SEMA6D: variants seen among roughly 807,000 people sequenced by gnomAD.
SEMA6D encodes semaphorin-6D.
Under a neutral mutation model 106.6 loss-of-function variants are expected in SEMA6D, and 35 were observed. That is an observed-to-expected ratio of 0.33 (90% CI 0.25 to 0.44). The LOEUF is 0.44. Among genes scored for constraint, SEMA6D ranks in the 20% least tolerant of loss-of-function variants. SEMA6D has a pLI of 1.00. For synonymous variants in SEMA6D, 499 were observed against 487.7 expected, an observed-to-expected ratio of 1.02 and a Z score of -0.31; for missense variants, 1,185 against 1,345.9, an observed-to-expected ratio of 0.88 and a Z score of 1.87.
At chr15:47,267,992 A>G (rs1421100257) in intron 1 of SEMA6D, among the ~76,000 whole-genome samples, 1 of 152,078 alleles carries the variant, frequency 6.6e-6, no homozygotes, top group Non-Finnish European at 1.5e-5. Context: ...CTTGCTACCC[A>G]TAGTGCAGTC....
chr15:47,505,076 A>G (rs1029383634), intron 3 of SEMA6D, among the ~76,000 whole-genome samples: 6 of 152,040 alleles, frequency 3.9e-5, no homozygotes, highest in African/African-American at 1.5e-4. Context: ...AGTGGAGGGG[A>G]GCAAGGCCAG....
intron 3 of SEMA6D, among the ~76,000 whole-genome samples, chr15:47,600,263 T>C (rs1207329996): frequency 6.6e-6 from 1 of 152,150 alleles, no homozygotes; most frequent in Admixed American, 6.6e-5. Flanking sequence ...CCTTATATTA[T>C]AGAATTGATG....
Position 47,773,053 on chromosome 15 carries a change from GTT to G in SEMA6D, c.*1270_*1271del, listed in dbSNP as rs1353467926. 6.6e-6 allele frequency: 1 copy of G among 152,490 alleles called. No individual in the cohort carries two copies. Among genetic ancestry groups the G allele is most frequent in the Non-Finnish European group, 1.5e-5 (1 of 68,016 alleles). 9.4% of individuals were successfully genotyped at this position (152,490 alleles called of 1,614,324 possible). ...AATATACTGTAAATACCACATGTGA[GTT>G]TACCTGAATCTGTGCATTTTGTGCC... On this transcript the variant is annotated 3_prime_UTR_variant, in exon 19 of 19. Coordinates refer to ENST00000536845, the MANE Select transcript of SEMA6D (RefSeq NM_001358351.3).
At chr15:47,402,106 G>T (rs1405180169) in intron 1 of SEMA6D, among the ~76,000 whole-genome samples, 1 of 152,180 alleles carries the variant, frequency 6.6e-6, no homozygotes, top group Non-Finnish European at 1.5e-5. Flanking sequence ...TGTACTGCAT[G>T]GTAGCCACTA....
chr15:47,530,053 A>C (rs1442418661), intron 3 of SEMA6D, among the ~76,000 whole-genome samples: 2 of 152,146 alleles, frequency 1.3e-5, no homozygotes, highest in African/African-American at 4.8e-5. Context: ...CCATAGCTCC[A>C]CTCAGCAGTC....
At chr15:47,578,107 GA>G (rs2142992876) in intron 3 of SEMA6D, among the ~76,000 whole-genome samples, 1 of 152,248 alleles carries the variant, frequency 6.6e-6, no homozygotes, top group East Asian at 1.9e-4. Flanking sequence ...TGGAGAAAGT[GA>G]GCTACAGAGG....
At chr15:47,456,522 T>C (rs1051962241) in intron 2 of SEMA6D, among the ~76,000 whole-genome samples, 6 of 151,942 alleles carry the variant, frequency 3.9e-5, no homozygotes, top group African/African-American at 1.4e-4. Context: ...TCTTTCAACA[T>C]TATAATAAAG....
intron 3 of SEMA6D, among the ~76,000 whole-genome samples, chr15:47,556,278 A>C (rs142333922): frequency 0.017 from 2,536 of 152,050 alleles, 70 homozygotes; most frequent in African/African-American, 0.058. Flanking sequence ...CCATTTTTGT[A>C]CTCCTTTCCG....
At chr15:47,670,994 C>T (rs1007413538) in intron 4 of SEMA6D, among the ~76,000 whole-genome samples, 9 of 152,050 alleles carry the variant, frequency 5.9e-5, no homozygotes, top group Admixed American at 2.0e-4. Context: ...TAGATATTTT[C>T]GTAATAGAAT....
At chr15:47,254,531 C>A (rs2033696010) in intron 1 of SEMA6D, among the ~76,000 whole-genome samples, 1 of 151,586 alleles carries the variant, frequency 6.6e-6, no homozygotes, top group Non-Finnish European at 1.5e-5. Context: ...AAGCTAAAAG[C>A]TTTTGATATT....
chr15:47,500,554 A>G (rs1046762003), intron 3 of SEMA6D, among the ~76,000 whole-genome samples: 2 of 152,106 alleles, frequency 1.3e-5, no homozygotes, highest in South Asian at 2.1e-4. Context: ...AAAATACCCT[A>G]CTAGCCAGGA....
intron 3 of SEMA6D, among the ~76,000 whole-genome samples, chr15:47,553,956 G>A (rs2045842324): frequency 6.6e-6 from 1 of 152,184 alleles, no homozygotes; most frequent in African/African-American, 2.4e-5. Flanking sequence ...GACAGCCAGA[G>A]TGTGACTACA....
At chr15:47,300,873 G>T (rs941914518) in intron 1 of SEMA6D, among the ~76,000 whole-genome samples, 1 of 152,200 alleles carries the variant, frequency 6.6e-6, no homozygotes, top group Non-Finnish European at 1.5e-5. Flanking sequence ...TCTTAAATAT[G>T]GTATTGTCTC....
chr15:47,473,376 G>A (rs964698226), intron 3 of SEMA6D, among the ~76,000 whole-genome samples: 3 of 152,184 alleles, frequency 2.0e-5, no homozygotes, highest in African/African-American at 7.2e-5. Context: ...GAGAGGGTCT[G>A]TGGCTGGGCC....
chr15:47,683,918 A>G (rs2078414341), intron 4 of SEMA6D, among the ~76,000 whole-genome samples: 3 of 152,206 alleles, frequency 2.0e-5, no homozygotes, highest in Admixed American at 2.0e-4. Context: ...ACCCTCCTCA[A>G]GTTTAATACC....
intron 2 of SEMA6D, among the ~76,000 whole-genome samples, chr15:47,467,816 T>C (rs1450189585): frequency 1.3e-5 from 2 of 152,186 alleles, no homozygotes; most frequent in East Asian, 3.9e-4. Context: ...ATTTAGTAAA[T>C]GTGCCTGCTC....
At chr15:47,564,434 G>T (rs1273222207) in intron 3 of SEMA6D, among the ~76,000 whole-genome samples, 1 of 152,114 alleles carries the variant, frequency 6.6e-6, no homozygotes, top group Non-Finnish European at 1.5e-5. Context: ...TCCCTTATCT[G>T]CAATTGCAAA....
At chr15:47,764,417 T>A (rs1193281374) in intron 11 of SEMA6D, 112 bp downstream of exon 11, 3 of 1,355,280 alleles carry the variant, frequency 2.2e-6, no homozygotes, top group Non-Finnish European at 3.0e-6. Context: ...AAGGGGTCCC[T>A]CTCTCAGACA....
At chr15:47,227,398 A>G (rs2031757373) in intron 1 of SEMA6D, among the ~76,000 whole-genome samples, 1 of 92,530 alleles carries the variant, frequency 1.1e-5, no homozygotes, top group Non-Finnish European at 2.1e-5. Context: ...TTTCTGTTCT[A>G]CCTTATGTCT....
Sources: gnomAD v4.1 joint callset for allele counts (sites outside exome capture counted in the v4.1 genomes callset) on GRCh38, gnomAD v4.1.1 for gene constraint, MANE v1.5 for transcripts, NCBI Gene and HGNC (gene_info 2026-07-23, HGNC 2026-07-21) for gene names.